The following CFAP45 variants were observed in gnomAD, a reference collection of about 807,000 sequenced individuals.
CFAP45 encodes cilia and flagella associated protein 45.
CFAP45 carries 43 observed loss-of-function variants against 75.6 expected under a neutral mutation model. That is an observed-to-expected ratio of 0.57 (90% CI 0.45 to 0.73). The LOEUF (loss-of-function observed/expected upper bound fraction) is 0.73, where lower values mean the gene tolerates loss of function less well. Among genes scored for constraint, CFAP45 ranks in the 30% least tolerant of loss-of-function variants. CFAP45 has a pLI of 0.00. For missense variants in CFAP45, 689 were observed against 701.5 expected, an observed-to-expected ratio of 0.98 and a Z score of 0.20; for synonymous variants, 223 against 244.6, an observed-to-expected ratio of 0.91 and a Z score of 0.82.
At chr1:159,890,238 G>T (rs1320495518) in intron 3 of CFAP45, among the ~76,000 whole-genome samples, 2 of 152,196 alleles carry the variant, frequency 1.3e-5, no homozygotes, top group African/African-American at 4.8e-5. Flanking sequence ...TAGAAGTAAG[G>T]AAGGACAATG....
At chr1:159,885,293 T>A (rs1185256229) in intron 6 of CFAP45, among the ~76,000 whole-genome samples, 1 of 152,238 alleles carries the variant, frequency 6.6e-6, no homozygotes, top group Non-Finnish European at 1.5e-5. Flanking sequence ...GAGCTGTTTA[T>A]GCAGAAGATG....
chr1:159,877,916 A>T (rs1649442567), intron 8 of CFAP45, among the ~76,000 whole-genome samples: 1 of 140,098 alleles, frequency 7.1e-6, no homozygotes, highest in African/African-American at 2.6e-5. Flanking sequence ...GGTAAAATGA[A>T]TTTAGCAATG....
chr1:159,888,388 C>A lies in CFAP45; in HGVS notation c.381G>T (p.Arg127Ser), dbSNP rs1649744385. Reference protein sequence around the residue: ...HVLTREELEARDQAFKKEKEA... With the variant: ...HVLTREELEASDQAFKKEKEA... ...CCTTCTCCTTCTTGAAGGCCTGGTC[C>A]CTGGCCTCAAGTTCTTCTCTGGTCA... Residue 127 changes from arginine to serine, a missense_variant, in exon 4 of 12, where the codon AGG becomes AGT. Arg to Ser is a moderately radical substitution (Grantham distance 110). Coordinates refer to ENST00000368099, the MANE Select transcript of CFAP45 (RefSeq NM_012337.3). 2 of 1,613,774 alleles carry A rather than the reference C, an allele frequency of 1.2e-6. No homozygotes were observed. Among genetic ancestry groups the A allele is most frequent in the Non-Finnish European group, 1.7e-6 (2 of 1,179,776 alleles).
At position 159,884,262 on chromosome 1, in the gene CFAP45, G is replaced by A. The variant is rs543930225; in HGVS notation, c.897+174C>T. Among the ~76,000 whole-genome samples the A allele has an allele frequency of 1.8e-4, 28 of 152,288 alleles. No homozygotes were observed. In the East Asian group the frequency reaches 3.3e-3, roughly 18 times the overall value. On this transcript the variant is annotated intron_variant, in intron 7 of 11. Coordinates refer to ENST00000368099, the MANE Select transcript of CFAP45 (RefSeq NM_012337.3). ...TCCAAATCACTGCTCATCCCGCAGC[G>A]TGACACCATGGTGAAATAAATATTT...
Position 159,888,422 on chromosome 1 carries a change from G to A in CFAP45, c.347C>T (p.Ser116Phe), listed in dbSNP as rs767031751. 3.1e-6 allele frequency: 5 copies of A among 1,613,902 alleles called. No individual in the cohort carries two copies. Among genetic ancestry groups the A allele is most frequent in the Non-Finnish European group, 4.2e-6 (5 of 1,179,900 alleles). The stretch of plus-strand genomic sequence containing the variant: ...AAGTTCTTCTCTGGTCAGGACATGG[G>A]ATGCCCATTTGATTCGCTCAAACTC... Reference protein sequence around the residue: ...PEEFERIKWASHVLTREELEA... With the variant: ...PEEFERIKWAFHVLTREELEA... The change falls in exon 4 of 12, where the codon TCC (serine) becomes TTC (phenylalanine). Residue 116 changes from serine to phenylalanine, a missense_variant. Transcript: ENST00000368099.
intron 3 of CFAP45, among the ~76,000 whole-genome samples, chr1:159,889,539 C>G (rs1174700275): frequency 6.6e-6 from 1 of 152,206 alleles, no homozygotes; most frequent in African/African-American, 2.4e-5. Context: ...TGATCCGAAT[C>G]TAAGACAGCA....
chr1:159,893,246 A>C lies in CFAP45; in HGVS notation c.63T>G (p.Asn21Lys), dbSNP rs756840313. Residue 21 changes from asparagine to lysine, a missense_variant, in exon 2 of 12, where the codon AAT (asparagine) becomes AAG (lysine). Transcript: ENST00000368099. ...SSSAASNRSRNKARYRTKAVS... is the reference protein window; with the variant it reads ...SSSAASNRSRKKARYRTKAVS... ...CGGCTTTGGTCCGATAGCGAGCCTTATTCCTTGACCTGTTGGAAGCGGCAG... is the reference window on the plus strand; with the variant it reads ...CGGCTTTGGTCCGATAGCGAGCCTTCTTCCTTGACCTGTTGGAAGCGGCAG... 1.1e-5 allele frequency: 17 copies of C among 1,614,020 alleles called. No homozygotes were observed. Among genetic ancestry groups the C allele is most frequent in the Non-Finnish European group, 1.4e-5 (17 of 1,179,968 alleles).
chr1:159,893,330 G>T (rs758125513), intron 1 of CFAP45, 25 bp from the exon 2 acceptor site: 1 of 1,610,942 alleles, frequency 6.2e-7, no homozygotes, highest in Non-Finnish European at 8.5e-7. Context: ...AGAAAGTTTG[G>T]GTCATCAGTA....
At chr1:159,890,389 T>C (rs1649796034) in intron 3 of CFAP45, 91 bp downstream of exon 3, 1 of 1,245,720 alleles carries the variant, frequency 8.0e-7, no homozygotes, top group East Asian at 2.4e-5. Context: ...ACTGACAGAA[T>C]GAAACCAGGT....
Position 159,887,923 on chromosome 1 carries a change from G to A in CFAP45, c.506C>T (p.Ala169Val), listed in dbSNP as rs866603642. Reference protein sequence around the residue: ...NKKLSDLEEVAKERAQNLLQR... With the variant: ...NKKLSDLEEVVKERAQNLLQR... Reference sequence around the variant, plus strand: ...CAGGAGGTTCTGGGCCCGTTCCTTGGCCACCTCCTCCAGGTCACTGAGCTT... The same window carrying A: ...CAGGAGGTTCTGGGCCCGTTCCTTGACCACCTCCTCCAGGTCACTGAGCTT... Residue 169 changes from alanine to valine, a missense_variant, in exon 5 of 12, where the codon GCC becomes GTC. By Grantham distance (64) the Ala-to-Val change is moderately conservative. Transcript: ENST00000368099. 6.2e-7 allele frequency: 1 copy of A among 1,614,070 alleles called. No individual in the cohort carries two copies. Among genetic ancestry groups the A allele is most frequent in the Non-Finnish European group, 8.5e-7 (1 of 1,180,026 alleles).
rs1489712541 is a variant in CFAP45 at position 159,877,389 on chromosome 1, C to T, written c.1118G>A (p.Arg373Lys). ...REKEKEIARL[R>K]AMQEKAQDYQ... ...ATCCTGGGCCTTCTCCTGCATGGCC[C>T]TCAAGCGTGCGATCTCCTTCTCTTT... The change falls in exon 9 of 12, where the codon AGG (arginine) becomes AAG (lysine). Residue 373 changes from arginine (R) to lysine (K), a missense_variant. By Grantham distance (26) the Arg-to-Lys change is conservative. Coordinates refer to ENST00000368099, the MANE Select transcript of CFAP45 (RefSeq NM_012337.3). The T allele has an allele frequency of 2.5e-6, 4 of 1,613,980 alleles. No individual in the cohort carries two copies. Among genetic ancestry groups the T allele is most frequent in the Admixed American group, 1.7e-5 (1 of 60,006 alleles).
At chr1:159,883,623 A>AATATATATATATAT (rs59275156) in intron 7 of CFAP45, among the ~76,000 whole-genome samples, 1 of 72,124 alleles carries the variant, frequency 1.4e-5, no homozygotes, top group Non-Finnish European at 3.4e-5. Context: ...TTAACAATAA[A>AATATATATATATAT]ATATATATAT....
intron 10 of CFAP45, among the ~76,000 whole-genome samples, chr1:159,875,525 G>A (rs767801713): frequency 6.6e-6 from 1 of 152,154 alleles, no homozygotes; most frequent in East Asian, 1.9e-4. Context: ...TCTAACTAGG[G>A]GTCTGGGTAG....
At chr1:159,898,681 G>A (rs1234343788) in intron 1 of CFAP45, among the ~76,000 whole-genome samples, 1 of 152,252 alleles carries the variant, frequency 6.6e-6, no homozygotes, top group South Asian at 2.1e-4. Context: ...TTGGAAATAG[G>A]AAATTTTTAA....
In CFAP45 at chr1:159,876,726, G is replaced by T; in HGVS notation, c.1182C>A (p.Asn394Lys). 6.2e-7 allele frequency: 1 copy of T among 1,614,134 alleles called. No individual in the cohort carries two copies. The highest frequency in any genetic ancestry group is 1.1e-5 in the South Asian group (1 of 91,086). The change falls in exon 10 of 12, where the codon AAC (asparagine) becomes AAA (lysine). Residue 394 changes from asparagine (N) to lysine (K), a missense_variant. Physicochemically the swap from Asn to Lys is moderately conservative, Grantham distance 94. Transcript: ENST00000368099. Reference sequence around the variant, plus strand: ...GCCACTCTCTGTCTGCAACCTCCTGGTTGCGCTTGGCCCGCAAGGCATCCT... The same window carrying T: ...GCCACTCTCTGTCTGCAACCTCCTGTTTGCGCTTGGCCCGCAAGGCATCCT... ...AEQDALRAKR[N>K]QEVADREWRR...
chr1:159,880,905 A>C (rs1649533594), intron 7 of CFAP45, among the ~76,000 whole-genome samples: 1 of 152,202 alleles, frequency 6.6e-6, no homozygotes, highest in Admixed American at 6.5e-5. Flanking sequence ...GTCTTCATCC[A>C]ACTTGACTTT....
chr1:159,884,463 C>T lies in CFAP45; in HGVS notation c.870G>A (p.Met290Ile), dbSNP rs768247708. The change falls in exon 7 of 12, where the codon ATG (methionine) becomes ATA (isoleucine). Residue 290 changes from methionine (M) to isoleucine (I), a missense_variant. Coordinates refer to ENST00000368099, the MANE Select transcript of CFAP45 (RefSeq NM_012337.3). The stretch of plus-strand genomic sequence containing the variant: ...TTAGATCTTCCTCTTGGAGCTGTTC[C>T]ATATATTCCAGCATCTGCTCCTTCT... ...EQEKEQMLEYMEQLQEEDLKD... is the reference protein window; with the variant it reads ...EQEKEQMLEYIEQLQEEDLKD... The T allele has an allele frequency of 4.8e-5, 77 of 1,613,662 alleles. No homozygotes were observed. In the Admixed American group the frequency reaches 1.3e-3, roughly 27 times the overall value.
intron 2 of CFAP45, among the ~76,000 whole-genome samples, chr1:159,891,626 A>T (rs1242196500): frequency 6.6e-6 from 1 of 152,198 alleles, no homozygotes; most frequent in Non-Finnish European, 1.5e-5. Flanking sequence ...ATGTGTCATT[A>T]ATGCAGCCAC....
intron 7 of CFAP45, among the ~76,000 whole-genome samples, chr1:159,884,217 G>T (rs1257577887): frequency 6.6e-6 from 1 of 151,832 alleles, no homozygotes; most frequent in Non-Finnish European, 1.5e-5. Context: ...CAAGTCCTTG[G>T]AAGGAAGGGA....
Sources: gnomAD v4.1 joint callset for allele counts (sites outside exome capture counted in the v4.1 genomes callset) on GRCh38, gnomAD v4.1.1 for gene constraint, MANE v1.5 for transcripts, NCBI Gene and HGNC (gene_info 2026-07-23, HGNC 2026-07-21) for gene names.